DDX46: variants seen among roughly 807,000 people sequenced by gnomAD.
The protein encoded by DDX46 is DEAD-box helicase 46.
In DDX46, 30 loss-of-function variants were observed where a neutral mutation model predicts 134.9. The ratio of observed to expected loss-of-function variants is 0.22; its 90% CI spans 0.17 to 0.30. The LOEUF is 0.30. Among genes scored for constraint, DDX46 ranks in the 10% least tolerant of loss-of-function variants. DDX46 has a pLI of 1.00. For missense variants in DDX46, 622 were observed against 1,248.7 expected (o/e 0.50, Z 7.56); for synonymous variants, 415 against 404.1 (o/e 1.03, Z -0.32).
At chr5:134,763,020 C>T (rs1357482482) in intron 1 of DDX46, among the ~76,000 whole-genome samples, 1 of 151,738 alleles carries the variant, frequency 6.6e-6, no homozygotes, top group Non-Finnish European at 1.5e-5. Context: ...GATTGTGCCA[C>T]TGCACTCCAG....
chr5:134,793,995 G>C (rs1754580298), intron 13 of DDX46, among the ~76,000 whole-genome samples: 2 of 152,074 alleles, frequency 1.3e-5, no homozygotes, highest in South Asian at 2.1e-4. Flanking sequence ...AAAAATTAAG[G>C]CAGAGGGAAG....
At chr5:134,773,001 T>C (rs1329842989) in intron 4 of DDX46, among the ~76,000 whole-genome samples, 1 of 152,186 alleles carries the variant, frequency 6.6e-6, no homozygotes. Flanking sequence ...GGTTTCACCA[T>C]GTTGGCCAGG....
intron 16 of DDX46, among the ~76,000 whole-genome samples, chr5:134,809,610 C>A (rs746501302): frequency 2.6e-5 from 4 of 152,036 alleles, no homozygotes; most frequent in Non-Finnish European, 5.9e-5. Context: ...CTCCTGACCT[C>A]GTGATCTGCC....
intron 5 of DDX46, 45 bp downstream of exon 5, chr5:134,773,906 T>A (rs1300594822): frequency 6.8e-7 from 1 of 1,480,244 alleles, no homozygotes; most frequent in East Asian, 2.3e-5. Flanking sequence ...TCATGTAGAA[T>A]ATTATATGAA....
At chr5:134,787,282 A>G (rs1334769457) in intron 11 of DDX46, among the ~76,000 whole-genome samples, 2 of 152,216 alleles carry the variant, frequency 1.3e-5, no homozygotes, top group East Asian at 3.8e-4. Context: ...TTGCTTAACT[A>G]GAAGAAGGCA....
At chr5:134,764,178 C>G (rs1341250161) in intron 2 of DDX46, 86 bp downstream of exon 2, 7 of 1,387,534 alleles carry the variant, frequency 5.0e-6, no homozygotes, top group Non-Finnish European at 5.8e-6. Context: ...ATGTTTTCAA[C>G]TGGAGTTTGG....
chr5:134,782,134 A>G, intron 8 of DDX46, 48 bp downstream of exon 8: 15 of 1,497,282 alleles, frequency 1.0e-5, no homozygotes, highest in Non-Finnish European at 1.3e-5. Flanking sequence ...ACAGAAGAGG[A>G]TACATTTCAC....
At chr5:134,776,970 T>C (rs934779427) in intron 5 of DDX46, among the ~76,000 whole-genome samples, 3 of 149,702 alleles carry the variant, frequency 2.0e-5, no homozygotes, top group Non-Finnish European at 3.0e-5. Flanking sequence ...CCCAGCACTT[T>C]GGGAGGCCGA....
At chr5:134,777,993 TTC>T (rs1257445259) in intron 6 of DDX46, 3 of 289,588 alleles carry the variant, frequency 1.0e-5, no homozygotes, top group African/African-American at 6.6e-5. Flanking sequence ...CTCTGGAGAC[TTC>T]TCTAGCACTC....
chr5:134,803,668 C>G lies in DDX46; in HGVS notation c.1955-4080C>G, dbSNP rs1017207255. Among the ~76,000 whole-genome samples, 3 of 152,168 alleles carry G rather than the reference C, an allele frequency of 2.0e-5. No homozygotes were observed. In the East Asian group the frequency reaches 5.8e-4, roughly 29 times the overall value. On this transcript the variant is annotated intron_variant, in intron 15 of 22. Transcript: ENST00000452510. ...TCTTCCCATTTCTGCTGCTGTTAGT[C>G]GCTCTCTGGTGTCTTTACGTAGTTG...
At chr5:134,791,020 G>A (rs1005302871) in intron 13 of DDX46, among the ~76,000 whole-genome samples, 3 of 152,112 alleles carry the variant, frequency 2.0e-5, no homozygotes, top group African/African-American at 7.2e-5. Context: ...GTTTCACCAC[G>A]TTGGCCAGGC....
intron 15 of DDX46, among the ~76,000 whole-genome samples, chr5:134,804,584 G>A (rs369640146): frequency 9.2e-5 from 14 of 152,038 alleles, no homozygotes; most frequent in African/African-American, 3.4e-4. Context: ...GACTACAAGC[G>A]TGTGCCACCA....
At chr5:134,785,726 T>C (rs1754311713) in intron 11 of DDX46, 140 bp downstream of exon 11, 2 of 968,266 alleles carry the variant, frequency 2.1e-6, no homozygotes, top group African/African-American at 3.3e-5. Flanking sequence ...ATAAAAATAA[T>C]AGTAAGAATT....
At chr5:134,802,529 T>G (rs771017795) in intron 15 of DDX46, among the ~76,000 whole-genome samples, 76 of 152,086 alleles carry the variant, frequency 5.0e-4, no homozygotes, top group Non-Finnish European at 9.7e-4. Context: ...CCTATCAAAT[T>G]CTGTTAAGCC....
chr5:134,815,265 A>T (rs1685001071), intron 18 of DDX46, among the ~76,000 whole-genome samples: 1 of 152,204 alleles, frequency 6.6e-6, no homozygotes, highest in South Asian at 2.1e-4. Context: ...TAACCAATTA[A>T]TTTTTAAGCC....
chr5:134,797,167 CAA>C (rs61547263), intron 15 of DDX46: 406 of 22,754 alleles, frequency 0.018, no homozygotes, highest in South Asian at 0.039. Flanking sequence ...AACTCCGTCT[CAA>C]AAAAAAAAAA....
chr5:134,760,493 ATTTG>A (rs1488368290), intron 1 of DDX46, among the ~76,000 whole-genome samples: 1 of 152,220 alleles, frequency 6.6e-6, no homozygotes, highest in African/African-American at 2.4e-5. Flanking sequence ...GAAGATCAGA[ATTTG>A]TTTGTGAACC....
chr5:134,774,978 G>GC (rs1753889809), intron 5 of DDX46, among the ~76,000 whole-genome samples: 2 of 152,206 alleles, frequency 1.3e-5, no homozygotes, highest in East Asian at 3.9e-4. Flanking sequence ...ACAGGCACCT[G>GC]CCACCATGCC....
At chr5:134,828,511 A>G in intron 22 of DDX46, 148 bp from the exon 23 acceptor site, 1 of 467,526 alleles carries the variant, frequency 2.1e-6, no homozygotes, top group Non-Finnish European at 3.6e-6. Flanking sequence ...TTAAAATTTT[A>G]AATAACCAAT....
Sources: gnomAD v4.1 joint callset for allele counts (sites outside exome capture counted in the v4.1 genomes callset) on GRCh38, gnomAD v4.1.1 for gene constraint, MANE v1.5 for transcripts, NCBI Gene and HGNC (gene_info 2026-07-23, HGNC 2026-07-21) for gene names.